Variants in PTPRD observed in about 807,000 individuals in gnomAD.
PTPRD encodes receptor-type tyrosine-protein phosphatase delta.
Under a neutral mutation model 214.5 loss-of-function variants are expected in PTPRD, and 34 were observed. The ratio of observed to expected loss-of-function variants is 0.16; its 90% CI spans 0.12 to 0.21. The LOEUF (loss-of-function observed/expected upper bound fraction) is 0.21, where lower values mean the gene tolerates loss of function less well. PTPRD is among the 10% of genes least tolerant of loss of function. The probability of loss-of-function intolerance (pLI) is 1.00; values close to 1 mark genes in which losing one functional copy is unlikely to be tolerated. For missense variants in PTPRD, 2,545 were observed against 2,398.7 expected, an observed-to-expected ratio of 1.06 and a Z score of -1.27; for synonymous variants, 1,128 against 845.7, an observed-to-expected ratio of 1.33 and a Z score of -5.79.
intron 2 of PTPRD, among the ~76,000 whole-genome samples, chr9:10,508,582 G>T (rs2133634965): frequency 6.6e-6 from 1 of 152,302 alleles, no homozygotes; most frequent in Non-Finnish European, 1.5e-5. Context: ...TTAAGAAAAT[G>T]TGGCACATAT....
At chr9:9,619,606 C>T (rs1161949552) in intron 7 of PTPRD, among the ~76,000 whole-genome samples, 5 of 143,970 alleles carry the variant, frequency 3.5e-5, no homozygotes, top group Admixed American at 7.0e-5. Flanking sequence ...AGATAATATA[C>T]AAATATCTAT....
At chr9:9,013,112 C>T (rs571006517) in intron 11 of PTPRD, among the ~76,000 whole-genome samples, 2 of 152,084 alleles carry the variant, frequency 1.3e-5, no homozygotes, top group Non-Finnish European at 2.9e-5. Context: ...AGCACCAATG[C>T]TATTTGAAAA....
At chr9:9,270,235 G>T (rs551824286) in intron 9 of PTPRD, among the ~76,000 whole-genome samples, 3 of 151,226 alleles carry the variant, frequency 2.0e-5, no homozygotes, top group Non-Finnish European at 4.4e-5. Flanking sequence ...CCTTTATAAA[G>T]CTAGGGGAAA....
intron 2 of PTPRD, among the ~76,000 whole-genome samples, chr9:10,554,939 C>T (rs1414592163): frequency 1.3e-5 from 2 of 152,098 alleles, no homozygotes; most frequent in East Asian, 1.9e-4. Flanking sequence ...GGATTACAGG[C>T]GTGAGCCACC....
At chr9:10,076,670 T>C (rs887553288) in intron 3 of PTPRD, among the ~76,000 whole-genome samples, 2 of 152,102 alleles carry the variant, frequency 1.3e-5, no homozygotes, top group Non-Finnish European at 2.9e-5. Context: ...CATGTACTCA[T>C]GGGGTCCCAA....
chr9:8,841,216 A>C (rs1237560487), intron 11 of PTPRD, among the ~76,000 whole-genome samples: 1 of 152,210 alleles, frequency 6.6e-6, no homozygotes, highest in African/African-American at 2.4e-5. Flanking sequence ...GCTGGTATAC[A>C]TAAGCACAAT....
At chr9:9,810,737 C>T (rs1043993406) in intron 5 of PTPRD, among the ~76,000 whole-genome samples, 13 of 152,000 alleles carry the variant, frequency 8.6e-5, no homozygotes, top group African/African-American at 3.1e-4. Flanking sequence ...AATATCCATA[C>T]TGCAACCCAT....
chr9:10,197,318 C>T (rs537873690), intron 3 of PTPRD, among the ~76,000 whole-genome samples: 11 of 152,146 alleles, frequency 7.2e-5, no homozygotes, highest in African/African-American at 2.4e-4. Context: ...AGGAATTAAA[C>T]TGAGTTTAAA....
intron 4 of PTPRD, among the ~76,000 whole-genome samples, chr9:10,023,089 T>C (rs924818140): frequency 1.3e-5 from 2 of 152,196 alleles, no homozygotes; most frequent in African/African-American, 4.8e-5. Flanking sequence ...AATTCTCAAA[T>C]GAAAGGAAGA....
intron 2 of PTPRD, among the ~76,000 whole-genome samples, chr9:10,477,385 C>T (rs1330699898): frequency 6.6e-6 from 1 of 152,132 alleles, no homozygotes; most frequent in African/African-American, 2.4e-5. Context: ...AAAAAAAGCT[C>T]ATCATCAGTG....
At chr9:9,997,735 G>C (rs902438965) in intron 4 of PTPRD, among the ~76,000 whole-genome samples, 2 of 151,992 alleles carry the variant, frequency 1.3e-5, no homozygotes, top group Non-Finnish European at 2.9e-5. Context: ...GAAAAGCCAG[G>C]CTGGCAAGTA....
At position 8,316,466 on chromosome 9, in the gene PTPRD, T is replaced by TATCA. The variant is rs1554652078; in HGVS notation, c.*1404_*1407dup. Reference sequence around the variant, plus strand: ...TGAATTTGGCTTTGCCCCTGTTACATATCATAAATGCAAATTTCATAGCAC... The same window carrying TATCA: ...TGAATTTGGCTTTGCCCCTGTTACATATCAATCATAAATGCAAATTTCATAGCAC... On this transcript the variant is annotated 3_prime_UTR_variant, in exon 46 of 46. Coordinates refer to ENST00000381196, the MANE Select transcript of PTPRD (RefSeq NM_002839.4). 1.3e-5 allele frequency: 3 copies of TATCA among 230,782 alleles called. No homozygotes were observed. The highest frequency in any genetic ancestry group is 1.8e-4 in the South Asian group (1 of 5,500). The allele number at this position is 230,782 out of a possible 1,614,324, so 14.3% of individuals were successfully genotyped here.
At chr9:9,678,702 A>T (rs2154396023) in intron 7 of PTPRD, among the ~76,000 whole-genome samples, 1 of 151,992 alleles carries the variant, frequency 6.6e-6, no homozygotes, top group African/African-American at 2.4e-5. Context: ...AGAAAAAAAC[A>T]AAACTCTAAA....
chr9:8,867,430 T>G (rs571865508), intron 11 of PTPRD, among the ~76,000 whole-genome samples: 2 of 152,288 alleles, frequency 1.3e-5, no homozygotes, highest in East Asian at 3.9e-4. Flanking sequence ...CTCATGCTTT[T>G]TACTTTTCCT....
rs564318443 is a variant in PTPRD at position 8,774,527 on chromosome 9, C to CTTTTT, written c.-103-40586_-103-40582dup. 2.5e-3 allele frequency among the ~76,000 whole-genome samples: 267 copies of CTTTTT among 105,200 alleles called. 11 individuals are homozygous for CTTTTT. The highest frequency in any genetic ancestry group is 7.6e-3 in the African/African-American group (207 of 27,324). 69.0% of individuals were successfully genotyped at this position (105,200 alleles called of 152,430 possible). ...TAACCAAAATGCATGTGAAAAGTAA[C>CTTTTT]TTTTTTTTTTTTTTTTTTTTTTTTG... is the stretch of plus-strand genomic sequence containing the variant. On this transcript the variant is annotated intron_variant, in intron 11 of 45. Transcript: ENST00000381196.
intron 11 of PTPRD, among the ~76,000 whole-genome samples, chr9:8,793,907 G>C (rs538094990): frequency 6.6e-6 from 1 of 152,324 alleles, no homozygotes; most frequent in South Asian, 2.1e-4. Flanking sequence ...GCTATCAGAG[G>C]AAGAGGTCTG....
intron 10 of PTPRD, among the ~76,000 whole-genome samples, chr9:9,104,169 G>C (rs2099795265): frequency 6.6e-6 from 1 of 152,074 alleles, no homozygotes; most frequent in Non-Finnish European, 1.5e-5. Flanking sequence ...CCAGTCTTTT[G>C]TGACTACTCA....
At chr9:9,429,579 C>T (rs966125570) in intron 8 of PTPRD, among the ~76,000 whole-genome samples, 18 of 152,132 alleles carry the variant, frequency 1.2e-4, no homozygotes, top group African/African-American at 4.3e-4. Context: ...GATACCAAAG[C>T]CTGGCAGAGA....
chr9:9,165,051 C>CAAAAA (rs35703586), intron 10 of PTPRD, among the ~76,000 whole-genome samples: 1 of 117,452 alleles, frequency 8.5e-6, no homozygotes, highest in Non-Finnish European at 1.8e-5. Context: ...GACTCCATCT[C>CAAAAA]AAAAAAAAAA....
Sources: gnomAD v4.1 joint callset for allele counts (sites outside exome capture counted in the v4.1 genomes callset) on GRCh38, gnomAD v4.1.1 for gene constraint, MANE v1.5 for transcripts, NCBI Gene and HGNC (gene_info 2026-07-23, HGNC 2026-07-21) for gene names.